CTIF: variants seen among roughly 807,000 people sequenced by gnomAD.
CTIF encodes the protein cap binding complex dependent translation initiation factor, also known as CBP80/20-dependent translation initiation factor.
CTIF carries 21 observed loss-of-function variants against 66.0 expected under a neutral mutation model. The ratio of observed to expected loss-of-function variants is 0.32; its 90% confidence interval spans 0.23 to 0.46. CTIF has a LOEUF of 0.46. CTIF is among the 20% of genes least tolerant of loss of function. The probability of loss-of-function intolerance (pLI) is 1.00; values close to 1 mark genes in which losing one functional copy is unlikely to be tolerated. For missense variants in CTIF, 739 were observed against 812.7 expected (o/e 0.91, Z 1.10); for synonymous variants, 345 against 326.4 (o/e 1.06, Z -0.62).
At chr18:48,805,557 G>A (rs975074253) in intron 9 of CTIF, among the ~76,000 whole-genome samples, 5 of 152,146 alleles carry the variant, frequency 3.3e-5, no homozygotes, top group South Asian at 2.1e-4. Flanking sequence ...GCGGCTCTGC[G>A]GAATGTCGTG....
intron 9 of CTIF, among the ~76,000 whole-genome samples, chr18:48,802,906 C>G (rs187604616): frequency 1.3e-5 from 2 of 152,366 alleles, no homozygotes; most frequent in Admixed American, 6.5e-5. Flanking sequence ...CCTTCTCTCT[C>G]TGCTCAGGCT....
intron 3 of CTIF, among the ~76,000 whole-genome samples, chr18:48,643,356 A>G (rs185620291): frequency 3.9e-5 from 6 of 152,192 alleles, no homozygotes; most frequent in Non-Finnish European, 8.8e-5. Flanking sequence ...CAGTTGTAGA[A>G]ATGGGATTGG....
intron 3 of CTIF, 117 bp from the exon 4 acceptor site, chr18:48,663,635 C>T: frequency 1.1e-6 from 1 of 884,798 alleles, no homozygotes; most frequent in Non-Finnish European, 1.9e-6. Flanking sequence ...GGTGCACCAG[C>T]CACCATACTC....
intron 5 of CTIF, among the ~76,000 whole-genome samples, chr18:48,665,701 T>C (rs754822857): frequency 1.3e-5 from 2 of 152,226 alleles, no homozygotes; most frequent in African/African-American, 4.8e-5. Flanking sequence ...AATTAATCTA[T>C]TTTGCATACT....
chr18:48,719,651 C>G (rs1426017611), intron 7 of CTIF, among the ~76,000 whole-genome samples: 1 of 152,168 alleles, frequency 6.6e-6, no homozygotes, highest in East Asian at 1.9e-4. Context: ...CTGCAAGATC[C>G]CAGTCCAGGC....
At chr18:48,754,747 G>A (rs1489895756) in intron 7 of CTIF, among the ~76,000 whole-genome samples, 5 of 152,244 alleles carry the variant, frequency 3.3e-5, no homozygotes, top group East Asian at 1.9e-4. Context: ...GCCTGAGAAC[G>A]CCCACTAATG....
At chr18:48,758,919 G>A (rs916938650) in intron 8 of CTIF, among the ~76,000 whole-genome samples, 9 of 152,152 alleles carry the variant, frequency 5.9e-5, no homozygotes, top group Non-Finnish European at 1.0e-4. Flanking sequence ...CCTGTTTCCC[G>A]CCTTCATCAC....
Position 48,678,456 on chromosome 18 carries a change from G to A in CTIF, c.507+7712G>A, listed in dbSNP as rs368807379. 2.1e-3 allele frequency among the ~76,000 whole-genome samples: 319 copies of A among 151,708 alleles called. 5 individuals are homozygous for A. Among genetic ancestry groups the A allele is most frequent in the African/African-American group, 7.0e-3 (287 of 41,288 alleles). ...TTCCTCCCTCAGGACAAAAATAGGC[G>A]CCCATACAATAAATGGGGCCAGAAG... On this transcript the variant is annotated intron_variant, in intron 6 of 11. Coordinates refer to ENST00000256413, the MANE Select transcript of CTIF (RefSeq NM_014772.3).
intron 1 of CTIF, among the ~76,000 whole-genome samples, chr18:48,595,346 G>T (rs1185271881): frequency 7.2e-5 from 11 of 152,322 alleles, no homozygotes; most frequent in African/African-American, 2.2e-4. Flanking sequence ...ATTGTTGGTT[G>T]TGCTGTCTAT....
At position 48,859,866 on chromosome 18, in the gene CTIF, C is replaced by A; in HGVS notation, c.*307C>A. 1.8e-6 allele frequency: 1 copy of A among 570,886 alleles called. No individual in the cohort carries two copies. Among genetic ancestry groups the A allele is most frequent in the South Asian group, 1.5e-5 (1 of 65,590 alleles). 35.4% of individuals were successfully genotyped at this position (570,886 alleles called of 1,614,324 possible). A position where few individuals can be genotyped will look rare whatever the true frequency, so the allele number is the denominator to read the frequency against. On this transcript the variant is annotated 3_prime_UTR_variant, in exon 12 of 12. Coordinates refer to ENST00000256413, the MANE Select transcript of CTIF (RefSeq NM_014772.3). ...CTCTCCCCTCCCCATCAGACCCATC[C>A]CCCACGGAGCTTTGTGTGAGGGATC...
At chr18:48,646,115 A>C (rs182616365) in intron 3 of CTIF, among the ~76,000 whole-genome samples, 2 of 152,336 alleles carry the variant, frequency 1.3e-5, no homozygotes, top group East Asian at 3.9e-4. Context: ...CCCTATTAAG[A>C]GGATGAAGAG....
At chr18:48,854,485 C>T (rs2069280601) in intron 10 of CTIF, among the ~76,000 whole-genome samples, 1 of 152,196 alleles carries the variant, frequency 6.6e-6, no homozygotes, top group South Asian at 2.1e-4. Context: ...CCTTCCCCAT[C>T]CACTCTAGAG....
intron 6 of CTIF, among the ~76,000 whole-genome samples, chr18:48,688,846 G>A (rs2091883721): frequency 6.6e-6 from 1 of 152,254 alleles, no homozygotes; most frequent in Non-Finnish European, 1.5e-5. Context: ...TAAAGCATCT[G>A]CACAGAAAAT....
At chr18:48,677,265 T>C (rs1441391131) in intron 6 of CTIF, among the ~76,000 whole-genome samples, 1 of 152,142 alleles carries the variant, frequency 6.6e-6, no homozygotes, top group Admixed American at 6.5e-5. Flanking sequence ...TGTTGCTCCA[T>C]GTCACCCGTG....
chr18:48,682,020 A>G (rs1327692431), intron 6 of CTIF, among the ~76,000 whole-genome samples: 1 of 152,022 alleles, frequency 6.6e-6, no homozygotes, highest in Admixed American at 6.5e-5. Context: ...TCCTGAGCTC[A>G]GGTGATCCAC....
intron 1 of CTIF, among the ~76,000 whole-genome samples, chr18:48,606,302 T>C (rs907593528): frequency 1.3e-5 from 2 of 152,198 alleles, no homozygotes; most frequent in African/African-American, 4.8e-5. Context: ...GAATCTGAGA[T>C]ATTGCTAGTC....
At chr18:48,559,347 A>T (rs1430491992) in intron 1 of CTIF, among the ~76,000 whole-genome samples, 1 of 152,072 alleles carries the variant, frequency 6.6e-6, no homozygotes. Flanking sequence ...TGAGGTCTGT[A>T]GTCCTACCAC....
intron 10 of CTIF, among the ~76,000 whole-genome samples, chr18:48,856,872 A>T (rs1207898600): frequency 6.6e-6 from 1 of 152,222 alleles, no homozygotes; most frequent in African/African-American, 2.4e-5. Context: ...AAAGCACTGC[A>T]TTATATACTT....
At chr18:48,675,480 G>A (rs2091612626) in intron 6 of CTIF, among the ~76,000 whole-genome samples, 1 of 152,184 alleles carries the variant, frequency 6.6e-6, no homozygotes, top group African/African-American at 2.4e-5. Flanking sequence ...AAGTCCCCTG[G>A]TCCCAGCGCC....
Sources: allele counts gnomAD v4.1 joint callset (sites outside exome capture counted in the v4.1 genomes callset), GRCh38; gene constraint gnomAD v4.1.1; transcripts MANE v1.5; gene names NCBI Gene and HGNC (gene_info 2026-07-23, HGNC 2026-07-21).